The following NECAB1 variants were observed in gnomAD, a reference collection of about 807,000 sequenced individuals.
NECAB1 encodes the protein N-terminal EF-hand calcium binding protein 1.
NECAB1 carries 29 observed loss-of-function variants against 57.5 expected under a neutral mutation model. The ratio of observed to expected loss-of-function variants is 0.50; its 90% CI spans 0.38 to 0.69. The LOEUF is 0.69. NECAB1 is among the 30% of genes least tolerant of loss of function. The pLI is 0.00. For synonymous variants in NECAB1, 142 were observed against 147.7 expected, an observed-to-expected ratio of 0.96 and a Z score of 0.28; for missense variants, 372 against 413.8, an observed-to-expected ratio of 0.90 and a Z score of 0.88.
chr8:90,936,350 A>G (rs1413324001), intron 9 of NECAB1, among the ~76,000 whole-genome samples: 1 of 152,188 alleles, frequency 6.6e-6, no homozygotes, highest in African/African-American at 2.4e-5. Context: ...TTGAAATGCT[A>G]ATCTTTACTG....
chr8:90,952,797 AT>A (rs202021087), intron 12 of NECAB1, among the ~76,000 whole-genome samples: 926 of 55,392 alleles, frequency 0.017, 12 homozygotes, highest in African/African-American at 0.13. Context: ...TAATAATAAA[AT>A]TAAAATAAAA....
chr8:90,855,994 G>C (rs1422401488), intron 3 of NECAB1, among the ~76,000 whole-genome samples: 3 of 152,110 alleles, frequency 2.0e-5, no homozygotes, highest in African/African-American at 7.2e-5. Context: ...AAGTGATAGG[G>C]AGTCCGGGGG....
intron 8 of NECAB1, among the ~76,000 whole-genome samples, chr8:90,931,631 C>T (rs928982648): frequency 1.3e-5 from 2 of 152,108 alleles, no homozygotes; most frequent in African/African-American, 4.8e-5. Context: ...TGGCTGGGTG[C>T]AGTGGCTCAC....
chr8:90,845,850 C>T (rs1812547081), intron 3 of NECAB1, among the ~76,000 whole-genome samples: 1 of 152,182 alleles, frequency 6.6e-6, no homozygotes, highest in Non-Finnish European at 1.5e-5. Flanking sequence ...TTGCTTTAAA[C>T]AGCAGGGTGG....
At chr8:90,881,744 C>T (rs1200595656) in intron 5 of NECAB1, among the ~76,000 whole-genome samples, 1 of 152,164 alleles carries the variant, frequency 6.6e-6, no homozygotes, top group Non-Finnish European at 1.5e-5. Flanking sequence ...TTATAAATTA[C>T]CCAGCCTCAG....
intron 5 of NECAB1, among the ~76,000 whole-genome samples, chr8:90,889,770 C>T (rs906828481): frequency 2.0e-5 from 3 of 152,172 alleles, no homozygotes; most frequent in South Asian, 4.1e-4. Flanking sequence ...ATGGGCTGGG[C>T]GTGGTGGCTC....
intron 3 of NECAB1, among the ~76,000 whole-genome samples, chr8:90,868,214 GT>G (rs1808556248): frequency 6.6e-6 from 1 of 152,128 alleles, no homozygotes; most frequent in African/African-American, 2.4e-5. Flanking sequence ...AATTAAATCT[GT>G]TTTCTTTATA....
chr8:90,844,891 C>A (rs557083561), intron 3 of NECAB1, among the ~76,000 whole-genome samples: 35 of 152,260 alleles, frequency 2.3e-4, no homozygotes, highest in South Asian at 4.1e-4. Flanking sequence ...GAAACAGAAA[C>A]AATAGGATGT....
intron 5 of NECAB1, among the ~76,000 whole-genome samples, chr8:90,888,330 G>C (rs1406490380): frequency 2.0e-5 from 3 of 152,184 alleles, no homozygotes; most frequent in African/African-American, 7.2e-5. Flanking sequence ...TTGCCTGAGT[G>C]AACATACAGC....
intron 5 of NECAB1, among the ~76,000 whole-genome samples, chr8:90,893,583 C>A (rs1325173554): frequency 6.6e-6 from 1 of 152,126 alleles, no homozygotes; most frequent in African/African-American, 2.4e-5. Context: ...GAGCAGATTT[C>A]TTGAATACAC....
At chr8:90,860,019 C>A (rs746653371) in intron 3 of NECAB1, among the ~76,000 whole-genome samples, 78 of 152,138 alleles carry the variant, frequency 5.1e-4, no homozygotes, top group Non-Finnish European at 8.2e-4. Context: ...TAAGACCATG[C>A]AGCTAGAGGA....
intron 3 of NECAB1, among the ~76,000 whole-genome samples, chr8:90,861,182 A>G (rs558209322): frequency 2.4e-4 from 36 of 152,276 alleles, no homozygotes; most frequent in African/African-American, 7.5e-4. Context: ...AAGGAGAATT[A>G]AAGGCATCCT....
chr8:90,793,254 A>G (rs1459302555), intron 1 of NECAB1, among the ~76,000 whole-genome samples: 3 of 152,100 alleles, frequency 2.0e-5, no homozygotes, highest in African/African-American at 7.2e-5. Flanking sequence ...AGGGAAAGAA[A>G]CTCCTATCAA....
intron 12 of NECAB1, among the ~76,000 whole-genome samples, chr8:90,951,726 C>T (rs1810926877): frequency 6.6e-6 from 1 of 151,190 alleles, no homozygotes; most frequent in African/African-American, 2.4e-5. Flanking sequence ...TGCTTTCTGT[C>T]CAGCTTCACA....
At chr8:90,808,115 G>C (rs928081433) in intron 2 of NECAB1, among the ~76,000 whole-genome samples, 1 of 151,904 alleles carries the variant, frequency 6.6e-6, no homozygotes, top group Non-Finnish European at 1.5e-5. Context: ...TACATAGCTG[G>C]GTTTATCAGC....
intron 5 of NECAB1, among the ~76,000 whole-genome samples, chr8:90,886,056 A>AGTT (rs1279193227): frequency 1.3e-5 from 2 of 152,204 alleles, no homozygotes; most frequent in African/African-American, 4.8e-5. Flanking sequence ...TAGGCAAGGA[A>AGTT]GTTCATATTT....
chr8:90,914,163 G>A (rs889033226), intron 5 of NECAB1, among the ~76,000 whole-genome samples: 2 of 152,172 alleles, frequency 1.3e-5, no homozygotes, highest in Non-Finnish European at 2.9e-5. Flanking sequence ...TACTCTGGAG[G>A]CAGAGATGAA....
chr8:90,805,144 G>A (rs1294712642), intron 2 of NECAB1, among the ~76,000 whole-genome samples: 2 of 152,158 alleles, frequency 1.3e-5, no homozygotes, highest in African/African-American at 2.4e-5. Flanking sequence ...AAAGGGAAAA[G>A]GATAGTGGAT....
chr8:90,924,926 T>G (rs2130162644), intron 6 of NECAB1, among the ~76,000 whole-genome samples: 1 of 151,880 alleles, frequency 6.6e-6, no homozygotes, highest in South Asian at 2.1e-4. Flanking sequence ...TACTTTCATA[T>G]CAGTATATAA....
Sources: gnomAD v4.1 joint callset for allele counts (sites outside exome capture counted in the v4.1 genomes callset) on GRCh38, gnomAD v4.1.1 for gene constraint, MANE v1.5 for transcripts, NCBI Gene and HGNC (gene_info 2026-07-23, HGNC 2026-07-21) for gene names.